PALLD: variants seen among roughly 807,000 people sequenced by gnomAD.
PALLD encodes palladin.
Under a neutral mutation model 123.5 loss-of-function variants are expected in PALLD, and 61 were observed. The observed-to-expected ratio is 0.49, with a 90% CI of 0.40 to 0.61. The LOEUF is 0.61. Ranked by LOEUF, PALLD falls within the 20% of genes least tolerant of loss-of-function variation. PALLD has a pLI of 0.00. For synonymous variants in PALLD, 465 were observed against 496.4 expected (o/e 0.94, Z 0.84); for missense variants, 1,273 against 1,377.0 (o/e 0.92, Z 1.20).
intron 8 of PALLD, among the ~76,000 whole-genome samples, chr4:168,695,087 T>G (rs2150137789): frequency 6.6e-6 from 1 of 152,352 alleles, no homozygotes; most frequent in Non-Finnish European, 1.5e-5. Context: ...CGCGTCTTAC[T>G]GGTTGTGGAA....
intron 10 of PALLD, among the ~76,000 whole-genome samples, chr4:168,760,529 C>T (rs972742076): frequency 6.6e-6 from 1 of 152,070 alleles, no homozygotes; most frequent in Non-Finnish European, 1.5e-5. Flanking sequence ...AGGGGCGTAC[C>T]GGGTGCCTCA....
chr4:168,521,715 CATAAA>C, intron 2 of PALLD, among the ~76,000 whole-genome samples: 1 of 152,242 alleles, frequency 6.6e-6, no homozygotes, highest in Non-Finnish European at 1.5e-5. Flanking sequence ...ACTTCAACAG[CATAAA>C]ATAAACAAAT....
At chr4:168,917,286 G>A (rs959259116) in intron 17 of PALLD, among the ~76,000 whole-genome samples, 1 of 151,972 alleles carries the variant, frequency 6.6e-6, no homozygotes, top group African/African-American at 2.4e-5. Context: ...CTGACCTCGT[G>A]ATCCGCCCTC....
intron 10 of PALLD, among the ~76,000 whole-genome samples, chr4:168,761,760 C>T (rs998676624): frequency 1.3e-5 from 2 of 149,628 alleles, no homozygotes; most frequent in African/African-American, 4.9e-5. Context: ...GATCCACTGC[C>T]TCCGCCTCCC....
intron 10 of PALLD, among the ~76,000 whole-genome samples, chr4:168,813,306 C>T (rs10033898): frequency 0.46 from 70,628 of 151,920 alleles, 17,440 homozygotes; most frequent in Non-Finnish European, 0.56. Flanking sequence ...CAAGTTAGTG[C>T]TTTTCACTCT....
intron 10 of PALLD, among the ~76,000 whole-genome samples, chr4:168,726,159 A>G (rs1786560504): frequency 6.6e-6 from 1 of 152,224 alleles, no homozygotes; most frequent in Non-Finnish European, 1.5e-5. Context: ...TGTGGTTATT[A>G]TCATAATTAA....
intron 15 of PALLD, among the ~76,000 whole-genome samples, chr4:168,906,326 T>C (rs926757729): frequency 6.6e-6 from 1 of 152,232 alleles, no homozygotes; most frequent in South Asian, 2.1e-4. Context: ...TGAGTCCGCT[T>C]AGTGTCTTCC....
chr4:168,904,827 T>A (rs1170962184), intron 15 of PALLD, among the ~76,000 whole-genome samples: 3 of 152,142 alleles, frequency 2.0e-5, no homozygotes, highest in Admixed American at 2.0e-4. Context: ...CACTACAAAC[T>A]TTTAATTAAA....
At chr4:168,795,997 C>A (rs1566497) in intron 10 of PALLD, among the ~76,000 whole-genome samples, 47,327 of 152,050 alleles carry the variant, frequency 0.31, 8,311 homozygotes, top group Non-Finnish European at 0.41. Flanking sequence ...AATGTGAAAT[C>A]ATGGAGAATG....
chr4:168,682,658 C>T (rs2150088925), intron 4 of PALLD, among the ~76,000 whole-genome samples: 1 of 152,246 alleles, frequency 6.6e-6, no homozygotes. Flanking sequence ...TGGATTTTTT[C>T]CAAATATTTT....
At chr4:168,631,059 T>C (rs1775748679) in intron 2 of PALLD, among the ~76,000 whole-genome samples, 1 of 152,216 alleles carries the variant, frequency 6.6e-6, no homozygotes, top group Admixed American at 6.5e-5. Flanking sequence ...GGCAGACTTG[T>C]TCAACATAAA....
At chr4:168,645,294 C>CTA (rs1777337128) in intron 2 of PALLD, among the ~76,000 whole-genome samples, 1 of 152,058 alleles carries the variant, frequency 6.6e-6, no homozygotes, top group African/African-American at 2.4e-5. Flanking sequence ...CAGCACAGTA[C>CTA]CTGATATGTA....
At chr4:168,868,746 G>C (rs757863866) in intron 10 of PALLD, among the ~76,000 whole-genome samples, 1 of 152,144 alleles carries the variant, frequency 6.6e-6, no homozygotes, top group Non-Finnish European at 1.5e-5. Flanking sequence ...ACACACAAGG[G>C]AACTGTTTCC....
chr4:168,858,210 T>C (rs1748894377), intron 10 of PALLD, among the ~76,000 whole-genome samples: 1 of 152,220 alleles, frequency 6.6e-6, no homozygotes, highest in Non-Finnish European at 1.5e-5. Context: ...AAATGGGCTA[T>C]GAAGCATGAG....
At chr4:168,645,594 G>A (rs1159727223) in intron 2 of PALLD, among the ~76,000 whole-genome samples, 1 of 152,096 alleles carries the variant, frequency 6.6e-6, no homozygotes, top group Non-Finnish European at 1.5e-5. Flanking sequence ...CTTTAAAATG[G>A]GTTAGTACTT....
intron 10 of PALLD, among the ~76,000 whole-genome samples, chr4:168,848,002 A>G (rs1185642778): frequency 1.3e-5 from 2 of 152,170 alleles, no homozygotes; most frequent in African/African-American, 2.4e-5. Flanking sequence ...TCCCTGTAAT[A>G]GTTACTCAAT....
chr4:168,670,450 C>T (rs1015084214), intron 3 of PALLD, among the ~76,000 whole-genome samples: 2 of 151,962 alleles, frequency 1.3e-5, no homozygotes, highest in Non-Finnish European at 1.5e-5. Context: ...AAGCCGGGCG[C>T]GGGCCGGGCG....
intron 18 of PALLD, among the ~76,000 whole-genome samples, chr4:168,922,102 TACACACACACACACACACACACACACAC>T (rs35503011): frequency 7.5e-6 from 1 of 132,604 alleles, no homozygotes; most frequent in Admixed American, 7.5e-5. Flanking sequence ...TATATATATA[TACACACACACACACACACACACACACAC>T]ACACACACAC....
At chr4:168,551,435 A>G (rs2149539598) in intron 2 of PALLD, among the ~76,000 whole-genome samples, 1 of 152,288 alleles carries the variant, frequency 6.6e-6, no homozygotes, top group East Asian at 1.9e-4. Context: ...GGGAGTCACA[A>G]TTCTTTTATT....
Sources: allele counts gnomAD v4.1 joint callset (sites outside exome capture counted in the v4.1 genomes callset), GRCh38; gene constraint gnomAD v4.1.1; transcripts MANE v1.5; gene names NCBI Gene and HGNC (gene_info 2026-07-23, HGNC 2026-07-21).